The following RAB38 variants were observed in gnomAD, a reference collection of about 807,000 sequenced individuals.
RAB38 encodes the protein RAB38, member RAS oncogene family, also known as ras-related protein Rab-38.
A neutral mutation model predicts 18.4 loss-of-function variants in RAB38; 15 were observed. That is an observed-to-expected ratio of 0.82 (90% CI 0.55 to 1.26). The LOEUF is 1.26. Ranked by LOEUF, RAB38 falls within the 50% of genes most tolerant of loss-of-function variation. The pLI, the probability that RAB38 is intolerant of heterozygous loss-of-function variation, is 0.00. For missense variants in RAB38, 294 were observed against 267.4 expected (o/e 1.10, Z -0.69); for synonymous variants, 101 against 104.4 (o/e 0.97, Z 0.20).
chr11:87,959,148 G>A, the RAB38 span, among the ~76,000 whole-genome samples: 1 of 152,048 alleles, frequency 6.6e-6, no homozygotes, highest in Non-Finnish European at 1.5e-5. Flanking sequence ...CACAGTAATT[G>A]CAGTGTTGCT....
chr11:87,854,133 T>TG, the RAB38 span, among the ~76,000 whole-genome samples: 1 of 151,312 alleles, frequency 6.6e-6, no homozygotes, highest in South Asian at 2.1e-4. Flanking sequence ...GCAAAGGTTT[T>TG]TGTTTTGTTT....
chr11:87,874,937 C>G, the RAB38 span, among the ~76,000 whole-genome samples: 1 of 151,316 alleles, frequency 6.6e-6, no homozygotes, highest in African/African-American at 2.4e-5. Flanking sequence ...CCAGTCATCC[C>G]ACTTCTGGGT....
At chr11:88,132,520 C>T (rs183086794) in intron 2 of RAB38, among the ~76,000 whole-genome samples, 6 of 152,316 alleles carry the variant, frequency 3.9e-5, no homozygotes, top group South Asian at 2.1e-4. Context: ...TACAATGGCA[C>T]GATCTTGGCT....
At chr11:87,873,922 G>GTGTGTATATATATA in the RAB38 span, among the ~76,000 whole-genome samples, 103 of 103,090 alleles carry the variant, frequency 1.0e-3, no homozygotes, top group African/African-American at 3.5e-3. Context: ...GTGTGTGTGT[G>GTGTGTATATATATA]TATATATATA....
At chr11:88,114,399 G>C (rs524121) in intron 2 of RAB38, among the ~76,000 whole-genome samples, 17,797 of 152,126 alleles carry the variant, frequency 0.12, 1,571 homozygotes, top group East Asian at 0.4. Flanking sequence ...ATTTCAGTTA[G>C]AGGGCAATTT....
the RAB38 span, among the ~76,000 whole-genome samples, chr11:88,078,501 A>ATGTGTGTGTGTGTGTGTGTGTGTGTG: frequency 3.4e-5 from 5 of 148,682 alleles, no homozygotes; most frequent in African/African-American, 1.2e-4. Flanking sequence ...GTGTGTATAT[A>ATGTGTGTGTGTGTGTGTGTGTGTGTG]TGTGTGTGTG....
chr11:87,966,166 C>A, the RAB38 span, among the ~76,000 whole-genome samples: 1 of 152,072 alleles, frequency 6.6e-6, no homozygotes, highest in Admixed American at 6.6e-5. Context: ...GCTGGAGGAA[C>A]CTCAACCAGA....
chr11:88,061,568 T>C, the RAB38 span: 2 of 152,322 alleles, frequency 1.3e-5, no homozygotes, highest in African/African-American at 4.8e-5. Context: ...TAACTGGTGA[T>C]AGATTATAAT....
the RAB38 span, among the ~76,000 whole-genome samples, chr11:87,850,714 C>CCACACACACACACACACACA: frequency 6.8e-6 from 1 of 146,408 alleles, no homozygotes; most frequent in African/African-American, 2.5e-5. Flanking sequence ...CACAACACTG[C>CCACACACACACACACACACA]CACACACACA....
the RAB38 span, among the ~76,000 whole-genome samples, chr11:87,868,608 A>AGAGAGAGAGAGAGAGG: frequency 7.2e-4 from 74 of 103,064 alleles, no homozygotes; most frequent in Admixed American, 8.4e-4. Flanking sequence ...AGAGAGAGAG[A>AGAGAGAGAGAGAGAGG]GAGAGAGAGA....
Position 88,114,816 on chromosome 11 carries a change from T to G in RAB38, c.484-676A>C, listed in dbSNP as rs990830393. ...ATAAGGTCTGTGAGTGAGAATCAAG[T>G]AGAGGCAAGTATCCCAATCAGCCCA... is the stretch of plus-strand genomic sequence containing the variant. On this transcript the variant is annotated intron_variant, in intron 2 of 2. Transcript: ENST00000243662. Among the ~76,000 whole-genome samples, 11 of 152,312 alleles carry G rather than the reference T, an allele frequency of 7.2e-5. No individual in the cohort carries two copies. In the East Asian group the frequency reaches 1.7e-3, roughly 24 times the overall value.
chr11:88,028,116 C>T, the RAB38 span, among the ~76,000 whole-genome samples: 1 of 152,212 alleles, frequency 6.6e-6, no homozygotes, highest in Non-Finnish European at 1.5e-5. Flanking sequence ...CCCACGCAAA[C>T]AGGGTCTGGA....
chr11:87,977,952 A>C, the RAB38 span, among the ~76,000 whole-genome samples: 2 of 112,518 alleles, frequency 1.8e-5, no homozygotes, highest in East Asian at 5.2e-4. Flanking sequence ...ATATTAATAT[A>C]ATATATAAAT....
At chr11:87,826,440 C>T in the RAB38 span, among the ~76,000 whole-genome samples, 2 of 151,988 alleles carry the variant, frequency 1.3e-5, no homozygotes, top group Admixed American at 6.6e-5. Context: ...TACTTAAAAG[C>T]ATATGGTGAT....
chr11:87,827,323 C>A, the RAB38 span, among the ~76,000 whole-genome samples: 2 of 151,122 alleles, frequency 1.3e-5, no homozygotes, highest in South Asian at 4.2e-4. Context: ...GCTTTTATGA[C>A]AATCTTGTGG....
At chr11:87,930,605 AT>A in the RAB38 span, among the ~76,000 whole-genome samples, 2 of 152,076 alleles carry the variant, frequency 1.3e-5, no homozygotes, top group South Asian at 4.1e-4. Flanking sequence ...TTTTGTTGCC[AT>A]TGCTTTTGGT....
At chr11:88,065,381 A>C in the RAB38 span, among the ~76,000 whole-genome samples, 1 of 152,186 alleles carries the variant, frequency 6.6e-6, no homozygotes, top group Non-Finnish European at 1.5e-5. Flanking sequence ...TTCCATTTGC[A>C]ATGCCCCAAG....
At chr11:87,831,682 C>T in the RAB38 span, among the ~76,000 whole-genome samples, 3 of 152,116 alleles carry the variant, frequency 2.0e-5, no homozygotes, top group Admixed American at 2.0e-4. Flanking sequence ...AGACTGGTAC[C>T]TTGGAAGCTT....
At chr11:87,955,454 G>A in the RAB38 span, among the ~76,000 whole-genome samples, 14 of 152,140 alleles carry the variant, frequency 9.2e-5, no homozygotes, top group South Asian at 8.3e-4. Context: ...ACCTAGTATC[G>A]TGTAATATAC....
Sources: allele counts gnomAD v4.1 joint callset (sites outside exome capture counted in the v4.1 genomes callset), GRCh38; gene constraint gnomAD v4.1.1; transcripts MANE v1.5; gene names NCBI Gene and HGNC (gene_info 2026-07-23, HGNC 2026-07-21).